The following PRAG1 variants were observed in gnomAD, a reference collection of about 807,000 sequenced individuals.
The protein encoded by PRAG1 is inactive tyrosine-protein kinase PRAG1.
A neutral mutation model predicts 95.6 loss-of-function variants in PRAG1; 110 were observed. That is an observed-to-expected ratio of 1.15 (90% CI 0.99 to 1.35). The LOEUF (loss-of-function observed/expected upper bound fraction) is 1.35, where lower values mean the gene tolerates loss of function less well. Ranked by LOEUF, PRAG1 falls within the 40% of genes most tolerant of loss-of-function variation. PRAG1 has a pLI of 0.00. For missense variants in PRAG1, 2,554 were observed against 1,864.7 expected (o/e 1.37, Z -6.81); for synonymous variants, 1,052 against 819.4 (o/e 1.28, Z -4.85).
At chr8:8,384,874 G>T (rs528686988) in intron 1 of PRAG1, among the ~76,000 whole-genome samples, 2 of 152,132 alleles carry the variant, frequency 1.3e-5, no homozygotes, top group South Asian at 2.1e-4. Flanking sequence ...TGTCAGATTA[G>T]AAAAAAGAGC....
At chr8:8,371,233 G>C (rs1446883680) in intron 3 of PRAG1, among the ~76,000 whole-genome samples, 1 of 151,724 alleles carries the variant, frequency 6.6e-6, no homozygotes, top group Non-Finnish European at 1.5e-5. Flanking sequence ...AGCAAGTTGT[G>C]GGTTAAAATT....
intron 4 of PRAG1, 126 bp downstream of exon 4, chr8:8,339,352 C>T (rs982529232): frequency 1.5e-4 from 159 of 1,028,830 alleles, no homozygotes; most frequent in Non-Finnish European, 2.1e-4. Flanking sequence ...GAAGAGTCTA[C>T]TTCATTGAGA....
At chr8:8,365,091 G>A (rs1245957484) in intron 3 of PRAG1, among the ~76,000 whole-genome samples, 1 of 152,092 alleles carries the variant, frequency 6.6e-6, no homozygotes, top group African/African-American at 2.4e-5. Context: ...TTTCTCCTAG[G>A]GAGACATGAC....
intron 3 of PRAG1, among the ~76,000 whole-genome samples, chr8:8,351,607 C>A (rs776108918): frequency 1.3e-5 from 2 of 152,126 alleles, no homozygotes; most frequent in Non-Finnish European, 2.9e-5. Context: ...TGTCCATTGA[C>A]CAGACCTCAT....
At chr8:8,342,832 T>G (rs1046445936) in intron 3 of PRAG1, among the ~76,000 whole-genome samples, 7 of 152,086 alleles carry the variant, frequency 4.6e-5, no homozygotes, top group African/African-American at 1.7e-4. Context: ...GAAAACTTTA[T>G]GAACTTGGGG....
chr8:8,339,287 T>C (rs1799091629), intron 4 of PRAG1, among the ~76,000 whole-genome samples, 191 bp downstream of exon 4: 1 of 152,230 alleles, frequency 6.6e-6, no homozygotes, highest in Non-Finnish European at 1.5e-5. Flanking sequence ...GAGGGCAATA[T>C]GGATGGGCTG....
intron 3 of PRAG1, among the ~76,000 whole-genome samples, chr8:8,369,698 CTTTT>C (rs10596599): frequency 1.4e-5 from 2 of 140,118 alleles, no homozygotes; most frequent in African/African-American, 5.2e-5. Context: ...AAAAAATAAA[CTTTT>C]TTTTTTTTTT....
At chr8:8,324,450 G>T (rs867440786) in intron 5 of PRAG1, among the ~76,000 whole-genome samples, 1 of 152,322 alleles carries the variant, frequency 6.6e-6, no homozygotes, top group Middle Eastern at 3.4e-3. Context: ...GCTGCGTTGG[G>T]CGCATGCTAA....
rs755682003 is a variant in PRAG1, at chr8:8,376,490, T to A, written c.1919A>T (p.Glu640Val). ...AGTWSRQCRI[E>V]EEEEVEQELL... is the part of the protein sequence containing the mutation. ...TTCCTGCTCCACCTCCTCTTCTTCC[T>A]CTATCCGGCACTGACGACTCCAGGT... The change falls in exon 3 of 6, where the codon GAG becomes GTG. Residue 640 changes from glutamate to valine, a missense_variant. Coordinates refer to ENST00000615670, the MANE Select transcript of PRAG1 (RefSeq NM_001080826.3). The A allele has an allele frequency of 2.5e-6, 4 of 1,613,422 alleles. No homozygotes were observed. The East Asian group carries it at 6.7e-5, about 27-fold the overall frequency.
At chr8:8,329,221 C>T (rs1025292520) in intron 4 of PRAG1, among the ~76,000 whole-genome samples, 5 of 151,910 alleles carry the variant, frequency 3.3e-5, no homozygotes, top group East Asian at 3.9e-4. Flanking sequence ...GGTGAAATCC[C>T]GTATCTACTA....
chr8:8,341,693 G>C (rs2116841494), intron 3 of PRAG1, among the ~76,000 whole-genome samples: 1 of 152,252 alleles, frequency 6.6e-6, no homozygotes, highest in East Asian at 1.9e-4. Context: ...CATGTTGTAT[G>C]AACTTATTTT....
chr8:8,318,091 C>T lies in PRAG1; in HGVS notation c.*63G>A, dbSNP rs1798333295. ...TTTCCCAGGGAGACATGGGTGCTTCCAAGGCGAGACAGGAAAGGGTTAGGC... is the reference window on the plus strand; with the variant it reads ...TTTCCCAGGGAGACATGGGTGCTTCTAAGGCGAGACAGGAAAGGGTTAGGC... On this transcript the variant is annotated 3_prime_UTR_variant, in exon 6 of 6. Coordinates refer to ENST00000615670, the MANE Select transcript of PRAG1 (RefSeq NM_001080826.3). This position sits in a 1 kb window ranked among gnomAD's most constrained non-coding sequence, Gnocchi z 4.2. The T allele has an allele frequency of 6.6e-7, 1 of 1,508,770 alleles. No homozygotes were observed. The highest frequency in any genetic ancestry group is 1.4e-5 in the African/African-American group (1 of 71,828). 93.5% of individuals were successfully genotyped at this position (1,508,770 alleles called of 1,614,324 possible). A position where few individuals can be genotyped will look rare whatever the true frequency, so the allele number is the denominator to read the frequency against.
intron 3 of PRAG1, among the ~76,000 whole-genome samples, chr8:8,349,843 G>C (rs1239122692): frequency 1.3e-5 from 2 of 151,766 alleles, no homozygotes; most frequent in South Asian, 2.1e-4. Context: ...AGCTCTACAA[G>C]TTTAAAAGCC....
At chr8:8,358,599 G>A (rs1373175631) in intron 3 of PRAG1, among the ~76,000 whole-genome samples, 1 of 152,180 alleles carries the variant, frequency 6.6e-6, no homozygotes, top group Non-Finnish European at 1.5e-5. Context: ...CTGTTGGAAA[G>A]GAATGCTTAT....
chr8:8,377,046 C>A lies in PRAG1; in HGVS notation c.1363G>T (p.Ala455Ser), dbSNP rs1220018774. The change falls in exon 3 of 6, where the codon GCA (alanine) becomes TCA (serine). Residue 455 changes from alanine (A) to serine (S), a missense_variant. Ala to Ser is a moderately conservative substitution (Grantham distance 99). Transcript: ENST00000615670. ...CTGTCCCGGCCCCAGCCAGATGCTG[C>A]TTTCTGGGCCCAGGCATTACCTGTG... ...VCTGNAWAQK[A>S]ASGWGRDSPD... 16 of 1,613,868 alleles carry A rather than the reference C, an allele frequency of 9.9e-6. No individual in the cohort carries two copies. The highest frequency in any genetic ancestry group is 1.4e-5 in the Non-Finnish European group (16 of 1,180,030).
At chr8:8,365,250 T>G (rs938112760) in intron 3 of PRAG1, among the ~76,000 whole-genome samples, 10 of 152,198 alleles carry the variant, frequency 6.6e-5, no homozygotes, top group African/African-American at 2.4e-4. Flanking sequence ...CACTGAATTT[T>G]CATTGTTAAA....
At chr8:8,334,602 G>C (rs1271490322) in intron 4 of PRAG1, among the ~76,000 whole-genome samples, 1 of 150,844 alleles carries the variant, frequency 6.6e-6, no homozygotes, top group East Asian at 1.9e-4. Flanking sequence ...CAATAATCAA[G>C]ATGTGAATGT....
At chr8:8,351,243 G>T (rs11786306) in intron 3 of PRAG1, among the ~76,000 whole-genome samples, 6 of 151,778 alleles carry the variant, frequency 4.0e-5, no homozygotes, top group South Asian at 2.1e-4. Context: ...AAGAGAGTGA[G>T]GGAGGTGCCA....
intron 3 of PRAG1, among the ~76,000 whole-genome samples, chr8:8,361,563 G>A (rs551353973): frequency 6.6e-6 from 1 of 152,116 alleles, no homozygotes; most frequent in Non-Finnish European, 1.5e-5. Flanking sequence ...GTTTTCAGAG[G>A]GTAAAGAAGA....
Sources: gnomAD v4.1 joint callset for allele counts (sites outside exome capture counted in the v4.1 genomes callset) on GRCh38, gnomAD v4.1.1 for gene constraint, Gnocchi (gnomAD v3.1) non-coding constraint, MANE v1.5 for transcripts, NCBI Gene and HGNC (gene_info 2026-07-23, HGNC 2026-07-21) for gene names.